CHN2: variants seen among roughly 807,000 people sequenced by gnomAD.
CHN2 encodes the protein beta-chimaerin.
A neutral mutation model predicts 56.3 loss-of-function variants in CHN2; 35 were observed. The ratio of observed to expected loss-of-function variants is 0.62; its 90% CI spans 0.47 to 0.82. The LOEUF is 0.82. Among genes scored for constraint, CHN2 ranks in the 40% least tolerant of loss-of-function variants. The pLI is 0.00. For synonymous variants in CHN2, 210 were observed against 212.8 expected (o/e 0.99, Z 0.12); for missense variants, 491 against 580.5 (o/e 0.85, Z 1.58).
intron 1 of CHN2, among the ~76,000 whole-genome samples, chr7:29,260,487 G>A (rs1789446921): frequency 6.6e-6 from 1 of 152,100 alleles, no homozygotes; most frequent in South Asian, 2.1e-4. Flanking sequence ...TTGGGCCACT[G>A]AGTGAAGGTC....
intron 1 of CHN2, among the ~76,000 whole-genome samples, chr7:29,271,211 T>G (rs73293506): frequency 0.014 from 2,119 of 152,282 alleles, 53 homozygotes; most frequent in African/African-American, 0.049. Flanking sequence ...TGATTTAACT[T>G]TGGCTGTGGT....
At chr7:29,190,291 G>A (rs770500443), upstream of CHN2, among the ~76,000 whole-genome samples, 2 of 152,202 alleles carry the variant, frequency 1.3e-5, no homozygotes, top group Non-Finnish European at 2.9e-5. Context: ...TTTAAAGCTA[G>A]TTGACGAATA....
intron 1 of CHN2, among the ~76,000 whole-genome samples, chr7:29,305,152 G>A (rs1024744198): frequency 1.1e-4 from 16 of 152,162 alleles, no homozygotes; most frequent in African/African-American, 3.9e-4. Flanking sequence ...CAGAGGATAC[G>A]ACAGGCAGGC....
Position 29,474,519 on chromosome 7 carries a change from A to G in CHN2, c.577-5760A>G, listed in dbSNP as rs114275323. On this transcript the variant is annotated intron_variant, in intron 6 of 12. Coordinates refer to ENST00000222792, the MANE Select transcript of CHN2 (RefSeq NM_004067.4). The stretch of plus-strand genomic sequence containing the variant: ...ACAAACACCAGTGGGATATTAAAGA[A>G]CTCTCCTCACCACACCCTCATCATC... 6.5e-3 allele frequency among the ~76,000 whole-genome samples: 982 copies of G among 151,998 alleles called. 12 individuals are homozygous for G. The highest frequency in any genetic ancestry group is 0.023 in the African/African-American group (938 of 41,438).
chr7:29,201,747 A>AT (rs1335848262), intron 1 of CHN2, among the ~76,000 whole-genome samples: 4 of 152,296 alleles, frequency 2.6e-5, no homozygotes, highest in Admixed American at 1.3e-4. Context: ...CATTTTTATC[A>AT]TTTTTTACAG....
At chr7:29,436,124 G>C (rs929522990) in intron 6 of CHN2, among the ~76,000 whole-genome samples, 1 of 152,178 alleles carries the variant, frequency 6.6e-6, no homozygotes, top group Non-Finnish European at 1.5e-5. Flanking sequence ...ATACTAGAGA[G>C]GCACACCCAA....
At chr7:29,215,063 G>A (rs936549635) in intron 1 of CHN2, among the ~76,000 whole-genome samples, 1 of 152,296 alleles carries the variant, frequency 6.6e-6, no homozygotes, top group South Asian at 2.1e-4. Flanking sequence ...ATGAATGACT[G>A]AGTAAATGGA....
intron 3 of CHN2, among the ~76,000 whole-genome samples, chr7:29,377,099 C>T (rs758112885): frequency 6.6e-6 from 1 of 152,192 alleles, no homozygotes; most frequent in Non-Finnish European, 1.5e-5. Context: ...ATGATCTCGG[C>T]TCACTGCAAC....
chr7:29,245,192 A>G (rs1021955582), intron 1 of CHN2, among the ~76,000 whole-genome samples: 1 of 152,162 alleles, frequency 6.6e-6, no homozygotes, highest in Non-Finnish European at 1.5e-5. Context: ...ACTATTTATT[A>G]CAGTTGACTG....
At chr7:29,420,347 A>G (rs992941606) in intron 6 of CHN2, among the ~76,000 whole-genome samples, 1 of 152,254 alleles carries the variant, frequency 6.6e-6, no homozygotes, top group Non-Finnish European at 1.5e-5. Flanking sequence ...ATTATTCTCA[A>G]TAGCCAAGAG....
intron 1 of CHN2, among the ~76,000 whole-genome samples, chr7:29,286,172 A>G (rs1042778071): frequency 4.7e-5 from 7 of 148,816 alleles, no homozygotes; most frequent in Non-Finnish European, 8.9e-5. Context: ...TTAGATAAAC[A>G]CCATTCCCCC....
intron 6 of CHN2, among the ~76,000 whole-genome samples, chr7:29,408,412 C>T (rs1254720500): frequency 6.6e-6 from 1 of 152,086 alleles, no homozygotes; most frequent in Non-Finnish European, 1.5e-5. Context: ...TTCAAGGACA[C>T]CTGTCTCACT....
chr7:29,424,948 C>T (rs1022266171), intron 6 of CHN2, among the ~76,000 whole-genome samples: 2 of 152,210 alleles, frequency 1.3e-5, no homozygotes, highest in Non-Finnish European at 2.9e-5. Context: ...GTGATTCTGG[C>T]CCCACCTACT....
chr7:29,503,788 T>C (rs1372931100), intron 9 of CHN2, among the ~76,000 whole-genome samples: 1 of 152,196 alleles, frequency 6.6e-6, no homozygotes, highest in Non-Finnish European at 1.5e-5. Flanking sequence ...GCAGAATATA[T>C]GGCGGCAGCA....
rs187292682 is a variant in CHN2 at position 29,146,601 on chromosome 7, G to A, written c.18G>A (p.Arg6=). The change falls in exon 1 of 7, where the codon AGG becomes AGA. Residue 6 remains arginine, a synonymous_variant. Transcript: ENST00000439384. ...AGGCTCACATGACCCAGACCCACAG[G>A]GCAAAAAGTGCGTCGTCGTGTCCCA... 189 of 1,550,408 alleles carry A rather than the reference G, an allele frequency of 1.2e-4. 1 individual carries two copies. The East Asian group carries it at 4.4e-3, about 36-fold the overall frequency.
At chr7:29,329,759 A>G (rs4722901) in intron 1 of CHN2, among the ~76,000 whole-genome samples, 137,609 of 152,274 alleles carry the variant, frequency 0.9, 62,342 homozygotes, top group East Asian at 1. Flanking sequence ...TATATTGTTT[A>G]GTCGGCAAAT....
intron 9 of CHN2, 134 bp from the exon 10 acceptor site, chr7:29,504,608 AGT>A: frequency 1.7e-6 from 1 of 596,296 alleles, no homozygotes; most frequent in Middle Eastern, 2.8e-4. Flanking sequence ...CTGATGCAAC[AGT>A]GTGTGATAAA....
chr7:29,369,527 G>A (rs905692827), intron 3 of CHN2, among the ~76,000 whole-genome samples: 8 of 152,120 alleles, frequency 5.3e-5, no homozygotes, highest in East Asian at 1.9e-4. Flanking sequence ...GACAACAAAA[G>A]TATGATGTAA....
intron 1 of CHN2, among the ~76,000 whole-genome samples, chr7:29,342,759 T>G (rs1044985810): frequency 7.2e-5 from 11 of 152,250 alleles, no homozygotes; most frequent in African/African-American, 2.7e-4. Context: ...TAGCAGCACT[T>G]TAGGTCTGAT....
Sources: gnomAD v4.1 joint callset for allele counts (sites outside exome capture counted in the v4.1 genomes callset) on GRCh38, gnomAD v4.1.1 for gene constraint, MANE v1.5 for transcripts, NCBI Gene and HGNC (gene_info 2026-07-23, HGNC 2026-07-21) for gene names.